ENPP2: variants seen among roughly 807,000 people sequenced by gnomAD.
ENPP2 encodes ectonucleotide pyrophosphatase/phosphodiesterase 2.
A neutral mutation model predicts 120.2 loss-of-function variants in ENPP2; 51 were observed. The ratio of observed to expected loss-of-function variants is 0.42; its 90% confidence interval spans 0.34 to 0.54. ENPP2 has a LOEUF of 0.54. Among genes scored for constraint, ENPP2 ranks in the 20% least tolerant of loss-of-function variants. ENPP2 has a pLI of 0.04. For synonymous variants in ENPP2, 365 were observed against 366.4 expected (o/e 1.00, Z 0.04); for missense variants, 920 against 1,066.5 (o/e 0.86, Z 1.91).
chr8:119,672,530 G>A (rs572882549), intron 1 of ENPP2, among the ~76,000 whole-genome samples: 3 of 152,294 alleles, frequency 2.0e-5, no homozygotes, highest in South Asian at 4.1e-4. Flanking sequence ...GCTCCCCAGT[G>A]TTCGCCCTTG....
chr8:119,570,216 C>T (rs1329620498), intron 20 of ENPP2, among the ~76,000 whole-genome samples: 1 of 147,136 alleles, frequency 6.8e-6, no homozygotes. Flanking sequence ...TTGCAGTGAG[C>T]TGAGATCATG....
rs1183282573 is a variant in ENPP2 at position 119,626,426 on chromosome 8, C to T, written c.292+139G>A. The stretch of plus-strand genomic sequence containing the variant: ...GACATAGGGTATGCTCTTCAAAGAA[C>T]CAATAATCATTCAACAAACAAAACT... On this transcript the variant is annotated intron_variant, in intron 3 of 24. Transcript: ENST00000075322. 3 of 623,358 alleles carry T rather than the reference C, an allele frequency of 4.8e-6. No individual in the cohort carries two copies. The African/African-American group carries it at 5.4e-5, about 11-fold the overall frequency. 38.6% of individuals were successfully genotyped at this position (623,358 alleles called of 1,614,324 possible). A position where few individuals can be genotyped will look rare whatever the true frequency, so the allele number is the denominator to read the frequency against.
chr8:119,606,065 G>A (rs1814698113), intron 9 of ENPP2, among the ~76,000 whole-genome samples: 1 of 152,032 alleles, frequency 6.6e-6, no homozygotes, highest in African/African-American at 2.4e-5. Context: ...TTTGAATCAG[G>A]TTCTAAATTT....
intron 9 of ENPP2, 104 bp downstream of exon 9, chr8:119,607,818 A>G (rs991691145): frequency 5.4e-6 from 4 of 740,056 alleles, no homozygotes; most frequent in Non-Finnish European, 4.4e-6. Flanking sequence ...CAAAAGTTCT[A>G]TATTTTCACA....
chr8:119,609,339 G>T (rs1029983883), intron 8 of ENPP2, among the ~76,000 whole-genome samples: 7 of 152,140 alleles, frequency 4.6e-5, no homozygotes, highest in African/African-American at 1.7e-4. Flanking sequence ...CAGTCTGTGG[G>T]TTCTGAGCTG....
exon 1 of ENPP2, chr8:119,673,297 CCTG>C: frequency 6.5e-7 from 1 of 1,535,126 alleles, no homozygotes; most frequent in Non-Finnish European, 8.7e-7. Flanking sequence ...GGCGTCTGTT[CCTG>C]CCCGGGCGCT....
intron 9 of ENPP2, among the ~76,000 whole-genome samples, chr8:119,605,679 G>T (rs551841826): frequency 1.3e-5 from 2 of 148,692 alleles, no homozygotes; most frequent in South Asian, 2.2e-4. Flanking sequence ...TGTTGAATAG[G>T]CTGGTCTCGA....
At chr8:119,562,549 T>C (rs546938649) in intron 24 of ENPP2, among the ~76,000 whole-genome samples, 43 of 152,376 alleles carry the variant, frequency 2.8e-4, no homozygotes, top group African/African-American at 1.0e-3. Context: ...TGCTAGTTCC[T>C]ACTTTTTTAT....
At chr8:119,571,098 A>G (rs1429329666) in intron 19 of ENPP2, 2 of 272,648 alleles carry the variant, frequency 7.3e-6, no homozygotes, top group Non-Finnish European at 1.3e-5. Flanking sequence ...TTTTAGTTGT[A>G]AAGAATTTAC....
In ENPP2 at chr8:119,638,782, T is replaced by C; in HGVS notation, c.-2A>G. 1 of 1,612,510 alleles carries C rather than the reference T, an allele frequency of 6.2e-7. No homozygotes were observed. Among genetic ancestry groups the C allele is most frequent in the Middle Eastern group, 1.7e-4 (1 of 6,058 alleles). On this transcript the variant is annotated 5_prime_UTR_variant, in exon 1 of 25. Coordinates refer to ENST00000075322, the MANE Select transcript of ENPP2 (RefSeq NM_001040092.3). ...CTGGAACGAGCTCCTCCTTGCCATG[T>C]CGAGGATTCTTGGAAAGCCTTTTGC...
At position 119,558,667 on chromosome 8, in the gene ENPP2, T is replaced by C. The variant is rs1019455863; in HGVS notation, c.2422-976A>G. ...GGAAGTTGAGGGAAAGAGTGAGATC[T>C]GAGAGCCCTGTGAATATGGAGCAGT... On this transcript the variant is annotated intron_variant, in intron 24 of 24. Transcript: ENST00000075322. Among the ~76,000 whole-genome samples the C allele has an allele frequency of 2.6e-5, 4 of 151,892 alleles. No homozygotes were observed. In the East Asian group the frequency reaches 7.8e-4, roughly 30 times the overall value.
At chr8:119,566,971 T>C (rs563603651) in intron 22 of ENPP2, among the ~76,000 whole-genome samples, 6 of 152,284 alleles carry the variant, frequency 3.9e-5, no homozygotes, top group African/African-American at 1.2e-4. Context: ...AAATAAACAT[T>C]TTTTTCTCTA....
At chr8:119,591,458 G>A (rs996609087) in intron 12 of ENPP2, among the ~76,000 whole-genome samples, 1 of 152,066 alleles carries the variant, frequency 6.6e-6, no homozygotes, top group Non-Finnish European at 1.5e-5. Context: ...TCAAATCTTA[G>A]CATCATAGAC....
chr8:119,641,746 G>A (rs1240311741), upstream of ENPP2, among the ~76,000 whole-genome samples: 1 of 152,138 alleles, frequency 6.6e-6, no homozygotes, highest in African/African-American at 2.4e-5. Context: ...TGGCAGGTGG[G>A]GAGAAGAAAG....
chr8:119,622,014 C>T (rs1424369439), intron 3 of ENPP2, among the ~76,000 whole-genome samples: 6 of 152,136 alleles, frequency 3.9e-5, no homozygotes, highest in Non-Finnish European at 5.9e-5. Context: ...CTGTAACCTC[C>T]GCCTCCCTGG....
intron 1 of ENPP2, among the ~76,000 whole-genome samples, chr8:119,662,726 C>T (rs1394011770): frequency 1.3e-5 from 2 of 152,168 alleles, no homozygotes; most frequent in Non-Finnish European, 2.9e-5. Context: ...AATATCTGGC[C>T]TGCAGGCCAT....
At chr8:119,661,392 T>C (rs1897745) in intron 1 of ENPP2, among the ~76,000 whole-genome samples, 97,376 of 152,038 alleles carry the variant, frequency 0.64, 32,538 homozygotes, top group African/African-American at 0.83. Context: ...ATACAAAAGG[T>C]CAACAGGTAC....
intron 2 of ENPP2, among the ~76,000 whole-genome samples, chr8:119,628,004 TGA>T (rs1816404908): frequency 6.6e-6 from 1 of 151,122 alleles, no homozygotes; most frequent in South Asian, 2.1e-4. Context: ...CCAAAAATAC[TGA>T]GAGTTCATGA....
At chr8:119,574,830 A>G (rs1310365633) in intron 19 of ENPP2, among the ~76,000 whole-genome samples, 1 of 152,094 alleles carries the variant, frequency 6.6e-6, no homozygotes, top group East Asian at 1.9e-4. Context: ...TTTGCCTTAC[A>G]AGTGCCTATT....
Sources: gnomAD v4.1 joint callset for allele counts (sites outside exome capture counted in the v4.1 genomes callset) on GRCh38, gnomAD v4.1.1 for gene constraint, MANE v1.5 for transcripts, NCBI Gene and HGNC (gene_info 2026-07-23, HGNC 2026-07-21) for gene names.